ERC2: variants seen among roughly 807,000 people sequenced by gnomAD.
ERC2 encodes the protein ELKS/RAB6-interacting/CAST family member 2.
Under a neutral mutation model 114.8 loss-of-function variants are expected in ERC2, and 42 were observed. The observed-to-expected ratio is 0.37, with a 90% CI of 0.29 to 0.47. The LOEUF (loss-of-function observed/expected upper bound fraction) is 0.47, where lower values mean the gene tolerates loss of function less well. Among genes scored for constraint, ERC2 ranks in the 20% least tolerant of loss-of-function variants. The pLI, the probability that ERC2 is intolerant of heterozygous loss-of-function variation, is 0.99. For synonymous variants in ERC2, 454 were observed against 425.5 expected (o/e 1.07, Z -0.82); for missense variants, 939 against 1,150.7 (o/e 0.82, Z 2.66).
At chr3:56,038,657 G>C (rs571816904) in intron 7 of ERC2, among the ~76,000 whole-genome samples, 42 of 152,102 alleles carry the variant, frequency 2.8e-4, no homozygotes, top group African/African-American at 1.0e-3. Context: ...AGCACTATTC[G>C]CAATAGCAAA....
chr3:56,095,523 G>A (rs1352965116), intron 6 of ERC2, among the ~76,000 whole-genome samples: 2 of 152,206 alleles, frequency 1.3e-5, no homozygotes, highest in Admixed American at 1.3e-4. Flanking sequence ...ATTTGCTTGT[G>A]TGCACACAGG....
At chr3:55,998,595 G>A (rs974202859) in intron 10 of ERC2, among the ~76,000 whole-genome samples, 1 of 152,152 alleles carries the variant, frequency 6.6e-6, no homozygotes, top group Non-Finnish European at 1.5e-5. Flanking sequence ...GAGATAACTG[G>A]TTTAAGAGTG....
At chr3:55,840,467 A>T (rs1200545327) in intron 14 of ERC2, among the ~76,000 whole-genome samples, 2 of 151,758 alleles carry the variant, frequency 1.3e-5, no homozygotes, top group African/African-American at 4.8e-5. Flanking sequence ...CTAAATTAAA[A>T]GGATTGACCA....
chr3:55,992,337 T>C, intron 10 of ERC2, 87 bp from the exon 11 acceptor site: 1 of 1,216,132 alleles, frequency 8.2e-7, no homozygotes, highest in Non-Finnish European at 1.1e-6. Flanking sequence ...AGAAATTAAC[T>C]TTGGAGAGAA....
Position 55,683,797 on chromosome 3 carries a change from T to A in ERC2, c.*36A>T, listed in dbSNP as rs551268455. On this transcript the variant is annotated 3_prime_UTR_variant, in exon 17 of 18. Coordinates refer to ENST00000288221, the MANE Select transcript of ERC2 (RefSeq NM_015576.3). Reference sequence around the variant, plus strand: ...GATATAAAAGATGGTTTCTCACCCCTCAAAACAAAACTGGAACTTTGGTTT... The same window carrying A: ...GATATAAAAGATGGTTTCTCACCCCACAAAACAAAACTGGAACTTTGGTTT... 6 of 1,612,232 alleles carry A rather than the reference T, an allele frequency of 3.7e-6. No homozygotes were observed. In the Admixed American group the frequency reaches 1.0e-4, roughly 27 times the overall value.
At chr3:55,568,278 A>C in intron 17 of ERC2, among the ~76,000 whole-genome samples, 1 of 152,190 alleles carries the variant, frequency 6.6e-6, no homozygotes, top group East Asian at 1.9e-4. Context: ...AGTGCTAGTT[A>C]AATCATTGCC....
chr3:55,833,239 G>C (rs1053044317), intron 14 of ERC2, among the ~76,000 whole-genome samples: 8 of 150,302 alleles, frequency 5.3e-5, no homozygotes, highest in South Asian at 2.1e-4. Flanking sequence ...CCAACATTCA[G>C]ATTCAGGAAA....
intron 14 of ERC2, among the ~76,000 whole-genome samples, chr3:55,782,059 C>T (rs2069102940): frequency 6.6e-6 from 1 of 152,048 alleles, no homozygotes; most frequent in African/African-American, 2.4e-5. Context: ...CCAGGGTGTA[C>T]CACACAGATA....
At chr3:55,950,928 G>A (rs1297794932) in intron 12 of ERC2, among the ~76,000 whole-genome samples, 49 of 152,342 alleles carry the variant, frequency 3.2e-4, no homozygotes, top group Admixed American at 3.2e-3. Flanking sequence ...AGGTGGTGGA[G>A]TGGAAGGAGA....
chr3:55,761,859 G>A (rs1191123483), intron 14 of ERC2, among the ~76,000 whole-genome samples: 4 of 148,804 alleles, frequency 2.7e-5, no homozygotes, highest in African/African-American at 2.5e-5. Context: ...CTGGGCGAAG[G>A]AGCGAGACTC....
chr3:56,152,128 A>T (rs1298767549), intron 4 of ERC2, among the ~76,000 whole-genome samples: 2 of 152,200 alleles, frequency 1.3e-5, no homozygotes, highest in African/African-American at 2.4e-5. Context: ...CACAGAACCC[A>T]AATGCTCCAT....
chr3:55,635,440 G>C (rs2059921175), intron 17 of ERC2, among the ~76,000 whole-genome samples: 1 of 151,772 alleles, frequency 6.6e-6, no homozygotes, highest in Non-Finnish European at 1.5e-5. Context: ...ACCCAGGCTG[G>C]AGTGCAGTGG....
intron 2 of ERC2, among the ~76,000 whole-genome samples, chr3:56,329,722 A>G (rs2150450180): frequency 6.6e-6 from 1 of 152,174 alleles, no homozygotes; most frequent in Non-Finnish European, 1.5e-5. Flanking sequence ...CTTTAGACAC[A>G]TTTTGATTAA....
chr3:56,417,019 A>G (rs1204563312), intron 2 of ERC2, among the ~76,000 whole-genome samples: 1 of 152,232 alleles, frequency 6.6e-6, no homozygotes, highest in Non-Finnish European at 1.5e-5. Context: ...TTGAAGTGTC[A>G]TTATAAGAGT....
At chr3:55,822,993 ACAT>A (rs1212138596) in intron 14 of ERC2, among the ~76,000 whole-genome samples, 3 of 152,184 alleles carry the variant, frequency 2.0e-5, no homozygotes, top group Non-Finnish European at 4.4e-5. Flanking sequence ...CGCCAATCAC[ACAT>A]GGCTTTGCCA....
intron 12 of ERC2, among the ~76,000 whole-genome samples, chr3:55,980,932 G>T (rs939489688): frequency 1.3e-5 from 2 of 152,168 alleles, no homozygotes; most frequent in African/African-American, 4.8e-5. Context: ...TGTTCCTTCA[G>T]TCTTCACCAT....
chr3:56,177,296 A>G (rs1423624169), intron 3 of ERC2, among the ~76,000 whole-genome samples: 1 of 152,176 alleles, frequency 6.6e-6, no homozygotes. Context: ...AGACAGTAGG[A>G]TGAATTGGTT....
chr3:55,569,904 C>A (rs2056608588), intron 17 of ERC2, among the ~76,000 whole-genome samples: 1 of 142,008 alleles, frequency 7.0e-6, no homozygotes, highest in African/African-American at 2.7e-5. Flanking sequence ...ATTACTCAGG[C>A]TGGAGTGCAG....
intron 6 of ERC2, among the ~76,000 whole-genome samples, chr3:56,134,924 T>TTTTTTTGTTTTTG (rs1040312245): frequency 7.4e-5 from 11 of 149,010 alleles, no homozygotes; most frequent in South Asian, 2.1e-4. Flanking sequence ...TTTTTTGTTT[T>TTTTTTTGTTTTTG]TTTTTGTTTT....
Sources: gnomAD v4.1 joint callset for allele counts (sites outside exome capture counted in the v4.1 genomes callset) on GRCh38, gnomAD v4.1.1 for gene constraint, MANE v1.5 for transcripts, NCBI Gene and HGNC (gene_info 2026-07-23, HGNC 2026-07-21) for gene names.